Variants in SENP7 observed in about 807,000 individuals in gnomAD.
SENP7 encodes the protein sentrin-specific protease 7.
In SENP7, 64 loss-of-function variants were observed where a neutral mutation model predicts 141.2. The observed-to-expected ratio is 0.45, with a 90% CI of 0.37 to 0.56. The LOEUF is 0.56. Ranked by LOEUF, SENP7 falls within the 20% of genes least tolerant of loss-of-function variation. SENP7 has a pLI of 0.00. For synonymous variants in SENP7, 382 were observed against 426.4 expected, an observed-to-expected ratio of 0.90 and a Z score of 1.28; for missense variants, 1,025 against 1,212.2, an observed-to-expected ratio of 0.85 and a Z score of 2.29.
chr3:101,335,132 C>A (rs2059151811), intron 17 of SENP7, among the ~76,000 whole-genome samples: 1 of 151,954 alleles, frequency 6.6e-6, no homozygotes, highest in Non-Finnish European at 1.5e-5. Flanking sequence ...TTTTTAAATG[C>A]CAGGATAAGT....
At chr3:101,452,984 T>C (rs1374467658) in intron 4 of SENP7, among the ~76,000 whole-genome samples, 1 of 151,998 alleles carries the variant, frequency 6.6e-6, no homozygotes, top group African/African-American at 2.4e-5. Flanking sequence ...AGGGCTAATA[T>C]CCAGAATCTA....
intron 1 of SENP7, 77 bp downstream of exon 1, chr3:101,513,013 AC>A: frequency 1.3e-6 from 2 of 1,535,154 alleles, no homozygotes; most frequent in Non-Finnish European, 9.0e-7. Flanking sequence ...TCGGGCCGCA[AC>A]CCCAGCTGCC....
chr3:101,375,147 T>C (rs180672627), intron 6 of SENP7, among the ~76,000 whole-genome samples: 34 of 152,090 alleles, frequency 2.2e-4, no homozygotes, highest in African/African-American at 7.7e-4. Flanking sequence ...TGTAGAAAAA[T>C]TGGAACCTCT....
intron 4 of SENP7, among the ~76,000 whole-genome samples, chr3:101,428,388 T>A (rs2062036241): frequency 6.6e-6 from 1 of 152,248 alleles, no homozygotes; most frequent in Admixed American, 6.5e-5. Flanking sequence ...TGATCACCAT[T>A]CTAACTGGCG....
intron 3 of SENP7, among the ~76,000 whole-genome samples, chr3:101,486,661 C>T (rs1003235995): frequency 5.9e-5 from 9 of 152,098 alleles, no homozygotes; most frequent in African/African-American, 2.2e-4. Flanking sequence ...CTCTTCAAAG[C>T]ATAAATTACA....
At chr3:101,361,463 A>G (rs191989089) in intron 11 of SENP7, among the ~76,000 whole-genome samples, 15 of 152,268 alleles carry the variant, frequency 9.9e-5, no homozygotes, top group African/African-American at 3.6e-4. Flanking sequence ...TTTAGAACCC[A>G]AAGATTATCA....
chr3:101,438,529 C>T (rs1576348711), intron 4 of SENP7, among the ~76,000 whole-genome samples: 2 of 152,014 alleles, frequency 1.3e-5, no homozygotes, highest in Middle Eastern at 6.8e-3. Flanking sequence ...TATTTAACAA[C>T]ATTAAACTGT....
At chr3:101,343,081 T>C (rs1397874901) in intron 14 of SENP7, among the ~76,000 whole-genome samples, 1 of 152,214 alleles carries the variant, frequency 6.6e-6, no homozygotes, top group African/African-American at 2.4e-5. Flanking sequence ...AGAAGTGATG[T>C]GGTACTTCTC....
At position 101,464,332 on chromosome 3, in the gene SENP7, T is replaced by C. The variant is rs962761440; in HGVS notation, c.187-5280A>G. ...CCTAACCCCAGGCCATGGACTGGTA[T>C]TGGTCCATGGCCTGTTAGGAACCAG... On this transcript the variant is annotated intron_variant, in intron 3 of 23. Coordinates refer to ENST00000394095, the MANE Select transcript of SENP7 (RefSeq NM_020654.5). Among the ~76,000 whole-genome samples, 8 of 152,112 alleles carry C rather than the reference T, an allele frequency of 5.3e-5. No homozygotes were observed. The South Asian group carries it at 1.7e-3, about 32-fold the overall frequency.
rs1448154969 is a variant in SENP7, at chr3:101,429,533, T to G, written c.285-11743A>C. 2.6e-5 allele frequency among the ~76,000 whole-genome samples: 4 copies of G among 152,210 alleles called. No individual in the cohort carries two copies. The East Asian group carries it at 7.7e-4, about 29-fold the overall frequency. On this transcript the variant is annotated intron_variant, in intron 4 of 23. Coordinates refer to ENST00000394095, the MANE Select transcript of SENP7 (RefSeq NM_020654.5). Reference sequence around the variant, plus strand: ...AGGAATGCTTGTGATTTTTGCACATTGATTTTGTATCCCGAGACTTTGCTG... The same window carrying G: ...AGGAATGCTTGTGATTTTTGCACATGGATTTTGTATCCCGAGACTTTGCTG...
chr3:101,360,355 T>C (rs983432468), intron 11 of SENP7, among the ~76,000 whole-genome samples: 2 of 152,246 alleles, frequency 1.3e-5, no homozygotes, highest in Non-Finnish European at 2.9e-5. Context: ...AAGCCTTTCC[T>C]GATTCCTCCA....
At chr3:101,460,567 A>G (rs1462438739) in intron 3 of SENP7, among the ~76,000 whole-genome samples, 1 of 152,190 alleles carries the variant, frequency 6.6e-6, no homozygotes, top group Admixed American at 6.5e-5. Flanking sequence ...AGACCTAAAC[A>G]TTATACAAGA....
At chr3:101,374,771 C>CA (rs58234121) in intron 6 of SENP7, among the ~76,000 whole-genome samples, 50,574 of 106,470 alleles carry the variant, frequency 0.48, 10,291 homozygotes, top group Admixed American at 0.59. Flanking sequence ...GGCTCTGTCT[C>CA]AAAAAAAAAA....
At chr3:101,453,875 T>TATATA (rs2063251258) in intron 4 of SENP7, among the ~76,000 whole-genome samples, 1 of 147,292 alleles carries the variant, frequency 6.8e-6, no homozygotes, top group Non-Finnish European at 1.5e-5. Flanking sequence ...ATTTAAAAAA[T>TATATA]TAAAAAAAAA....
rs1003782503 is a variant in SENP7, at chr3:101,380,446, C to A, written c.678-8320G>T. On this transcript the variant is annotated intron_variant, in intron 6 of 23. Coordinates refer to ENST00000394095, the MANE Select transcript of SENP7 (RefSeq NM_020654.5). Reference sequence around the variant, plus strand: ...TAAAGCAAACCACCGCCCCCCCCCCCACACACACACACAAAACAAAACATA... The same window carrying A: ...TAAAGCAAACCACCGCCCCCCCCCCAACACACACACACAAAACAAAACATA... Among the ~76,000 whole-genome samples, 23 of 34,908 alleles carry A rather than the reference C, an allele frequency of 6.6e-4. 1 individual carries two copies. The highest frequency in any genetic ancestry group is 2.8e-3 in the East Asian group (2 of 716). 22.9% of individuals were successfully genotyped at this position (34,908 alleles called of 152,430 possible). A position where few individuals can be genotyped will look rare whatever the true frequency, so the allele number is the denominator to read the frequency against.
intron 6 of SENP7, among the ~76,000 whole-genome samples, chr3:101,394,413 G>A (rs571531561): frequency 2.0e-5 from 3 of 152,282 alleles, no homozygotes; most frequent in South Asian, 2.1e-4. Context: ...CATGGTAGGT[G>A]CATGTATCTC....
intron 6 of SENP7, among the ~76,000 whole-genome samples, chr3:101,385,666 G>A (rs1201077821): frequency 2.6e-5 from 4 of 152,094 alleles, no homozygotes; most frequent in Admixed American, 1.3e-4. Context: ...GCTCTCAGTC[G>A]ATAGCAAAGC....
intron 7 of SENP7, among the ~76,000 whole-genome samples, chr3:101,371,168 A>G (rs576975509): frequency 6.6e-6 from 1 of 152,234 alleles, no homozygotes; most frequent in Admixed American, 6.5e-5. Context: ...GCATGACTAT[A>G]GTCTCAACTA....
chr3:101,341,725 T>C lies in SENP7; in HGVS notation c.2161A>G (p.Ser721Gly), dbSNP rs780838758. Residue 721 changes from serine (S) to glycine (G), a missense_variant, in exon 15 of 24, where the codon AGC (serine) becomes GGC (glycine). Ser to Gly is a moderately conservative substitution (Grantham distance 56). Around this residue, in one of 4 missense-constraint regions of SENP7, gnomAD observed 295 missense variants for 459.1 expected, o/e 0.64. Transcript: ENST00000394095. ...GTAATAGAAAGGGAGTAGCAACCGC[T>C]ACTTTGCTTCTGCAGGAAGGTGTAA... ...PTYTFLQKQSSGCYSLSITSN... is the reference protein window; with the variant it reads ...PTYTFLQKQSGGCYSLSITSN... The C allele has an allele frequency of 5.0e-6, 8 of 1,612,026 alleles. No homozygotes were observed. The highest frequency in any genetic ancestry group is 6.8e-6 in the Non-Finnish European group (8 of 1,178,518).
Sources: allele counts gnomAD v4.1 joint callset (sites outside exome capture counted in the v4.1 genomes callset), GRCh38; gene constraint gnomAD v4.1.1; regional missense constraint gnomAD v4.1.1; transcripts MANE v1.5; gene names NCBI Gene and HGNC (gene_info 2026-07-23, HGNC 2026-07-21).